DCDC2: variants seen among roughly 807,000 people sequenced by gnomAD.
DCDC2 encodes doublecortin domain-containing protein 2.
DCDC2 carries 40 observed loss-of-function variants against 50.2 expected under a neutral mutation model. That is an observed-to-expected ratio of 0.80 (90% CI 0.62 to 1.04). The LOEUF (loss-of-function observed/expected upper bound fraction) is 1.04, where lower values mean the gene tolerates loss of function less well. Ranked by LOEUF, DCDC2 falls within the 50% of genes least tolerant of loss-of-function variation. The pLI is 0.00. For synonymous variants in DCDC2, 234 were observed against 210.6 expected, an observed-to-expected ratio of 1.11 and a Z score of -0.96; for missense variants, 570 against 581.9, an observed-to-expected ratio of 0.98 and a Z score of 0.21.
At chr6:24,200,081 A>G (rs1293598182) in intron 8 of DCDC2, among the ~76,000 whole-genome samples, 1 of 152,172 alleles carries the variant, frequency 6.6e-6, no homozygotes, top group Non-Finnish European at 1.5e-5. Context: ...GTTAGAAAAC[A>G]CTCTTCAGGA....
At chr6:24,185,716 CACACACACACAT>C (rs1168621818) in intron 8 of DCDC2, among the ~76,000 whole-genome samples, 79 of 125,488 alleles carry the variant, frequency 6.3e-4, no homozygotes, top group Non-Finnish European at 8.3e-4. Context: ...CACACACACA[CACACACACACAT>C]ATACACACAG....
chr6:24,239,627 C>T (rs1762525434), intron 7 of DCDC2, among the ~76,000 whole-genome samples: 1 of 152,116 alleles, frequency 6.6e-6, no homozygotes, highest in Admixed American at 6.5e-5. Flanking sequence ...TGATTTTTTT[C>T]AATCTAAAGC....
intron 8 of DCDC2, among the ~76,000 whole-genome samples, chr6:24,203,863 T>G (rs993033493): frequency 6.6e-6 from 1 of 152,190 alleles, no homozygotes; most frequent in Non-Finnish European, 1.5e-5. Context: ...AAGACACTTA[T>G]GCAGCCAACA....
chr6:24,288,759 T>C, intron 6 of DCDC2, 93 bp downstream of exon 6: 1 of 1,200,732 alleles, frequency 8.3e-7, no homozygotes, highest in Non-Finnish European at 1.2e-6. Flanking sequence ...CGGCTAAGTT[T>C]TATCTCTTGG....
At chr6:24,236,870 C>T (rs1189660678) in intron 7 of DCDC2, among the ~76,000 whole-genome samples, 1 of 152,022 alleles carries the variant, frequency 6.6e-6, no homozygotes, top group Non-Finnish European at 1.5e-5. Flanking sequence ...ATTAGCTGGG[C>T]ATGGTGGCAG....
At chr6:24,359,295 AT>A (rs1302237808), upstream of DCDC2, among the ~76,000 whole-genome samples, 50 of 67,628 alleles carry the variant, frequency 7.4e-4, no homozygotes, top group Non-Finnish European at 1.1e-3. Context: ...TATATTTTAT[AT>A]TTTTTATATA....
intron 7 of DCDC2, among the ~76,000 whole-genome samples, chr6:24,210,052 G>GTGTGTGTGTC (rs766130050): frequency 1.5e-4 from 20 of 133,296 alleles, no homozygotes; most frequent in African/African-American, 4.7e-4. Flanking sequence ...GTGTGTGTGT[G>GTGTGTGTGTC]TGTCTGTCTG....
intron 2 of DCDC2, among the ~76,000 whole-genome samples, chr6:24,332,326 CT>C (rs771456251): frequency 1.3e-5 from 2 of 152,228 alleles, no homozygotes; most frequent in Admixed American, 6.5e-5. Flanking sequence ...CAGTCTCCCT[CT>C]TTTTTCCTGC....
intron 2 of DCDC2, among the ~76,000 whole-genome samples, chr6:24,311,948 T>C (rs1047265681): frequency 2.6e-5 from 4 of 152,244 alleles, no homozygotes; most frequent in Admixed American, 6.5e-5. Context: ...TGCATTCAGA[T>C]GGCCTGAAGC....
At chr6:24,238,114 G>GA (rs1254663335) in intron 7 of DCDC2, among the ~76,000 whole-genome samples, 2 of 75,590 alleles carry the variant, frequency 2.6e-5, no homozygotes, top group Non-Finnish European at 5.4e-5. Flanking sequence ...AAGGGGAAGG[G>GA]GAAAGGGAAG....
chr6:24,300,692 C>A (rs912705574), intron 4 of DCDC2, among the ~76,000 whole-genome samples: 4 of 152,174 alleles, frequency 2.6e-5, no homozygotes, highest in African/African-American at 9.7e-5. Flanking sequence ...TATTTTATCA[C>A]GTGTGTATGA....
At chr6:24,281,956 T>A (rs1010917349) in intron 6 of DCDC2, among the ~76,000 whole-genome samples, 2 of 152,220 alleles carry the variant, frequency 1.3e-5, no homozygotes, top group Non-Finnish European at 2.9e-5. Flanking sequence ...AACTTTCTAA[T>A]GTCCAAAGCA....
chr6:24,315,815 A>G (rs1759650219), intron 2 of DCDC2, among the ~76,000 whole-genome samples: 1 of 152,138 alleles, frequency 6.6e-6, no homozygotes, highest in Non-Finnish European at 1.5e-5. Flanking sequence ...TTTTATAAAC[A>G]TCACCCCAGC....
chr6:24,307,873 G>A (rs1445771411), intron 2 of DCDC2, among the ~76,000 whole-genome samples: 1 of 151,998 alleles, frequency 6.6e-6, no homozygotes, highest in Non-Finnish European at 1.5e-5. Flanking sequence ...TGCCATAACT[G>A]ATATTGGAAA....
upstream of DCDC2, among the ~76,000 whole-genome samples, chr6:24,359,419 T>TTATATATATTTATATATACTATATAG (rs1561789599): frequency 2.0e-5 from 1 of 50,994 alleles, no homozygotes; most frequent in African/African-American, 7.1e-5. Flanking sequence ...ATATTATATA[T>TTATATATATTTATATATACTATATAG]TATATATATT....
intron 2 of DCDC2, among the ~76,000 whole-genome samples, chr6:24,320,356 CAG>C (rs763621218): frequency 4.6e-5 from 7 of 152,070 alleles, no homozygotes; most frequent in Admixed American, 2.0e-4. Context: ...GGGTTTGAGA[CAG>C]AGTCTCACTG....
intron 2 of DCDC2, among the ~76,000 whole-genome samples, chr6:24,332,291 G>C (rs185599898): frequency 6.6e-6 from 1 of 152,108 alleles, no homozygotes; most frequent in Non-Finnish European, 1.5e-5. Flanking sequence ...GTGATGCTGC[G>C]TGATGTCCAA....
the DCDC2 span, among the ~76,000 whole-genome samples, chr6:24,371,001 A>G: frequency 1.3e-5 from 2 of 152,024 alleles, no homozygotes; most frequent in South Asian, 4.2e-4. Context: ...TACTGAGGAT[A>G]TATAAAGAAC....
chr6:24,331,321 G>A (rs997394402), intron 2 of DCDC2, among the ~76,000 whole-genome samples: 1 of 148,954 alleles, frequency 6.7e-6, no homozygotes, highest in Non-Finnish European at 1.5e-5. Context: ...TTAATTCAGA[G>A]ACAGAGTCTT....
Sources: gnomAD v4.1 joint callset for allele counts (sites outside exome capture counted in the v4.1 genomes callset) on GRCh38, gnomAD v4.1.1 for gene constraint, MANE v1.5 for transcripts, NCBI Gene and HGNC (gene_info 2026-07-23, HGNC 2026-07-21) for gene names.